KIAA1671: variants seen among roughly 807,000 people sequenced by gnomAD.
KIAA1671 encodes the protein KIAA1671, also known as uncharacterized protein KIAA1671.
Under a neutral mutation model 131.2 loss-of-function variants are expected in KIAA1671, and 52 were observed. That is an observed-to-expected ratio of 0.40 (90% CI 0.32 to 0.50). The LOEUF (loss-of-function observed/expected upper bound fraction) is 0.50. KIAA1671 is among the 20% of genes least tolerant of loss of function. The probability of loss-of-function intolerance (pLI) is 0.73; values close to 1 mark genes in which losing one functional copy is unlikely to be tolerated. For missense variants in KIAA1671, 2,360 were observed against 2,364.2 expected, an observed-to-expected ratio of 1.00 and a Z score of 0.04; for synonymous variants, 1,003 against 961.6, an observed-to-expected ratio of 1.04 and a Z score of -0.80.
Position 25,040,165 on chromosome 22 carries a change from C to G in KIAA1671, c.3035C>G (p.Ser1012Cys), listed in dbSNP as rs1926832994. The G allele has an allele frequency of 5.2e-6, 8 of 1,551,722 alleles. 1 individual carries two copies. In the Admixed American group the frequency reaches 1.6e-4, roughly 30 times the overall value. ...VNPGASRDQT[S>C]PAVKQGSPVE... The stretch of plus-strand genomic sequence containing the variant: ...CCAGGTGCTTCACGGGACCAGACTT[C>G]CCCAGCAGTGAAGCAAGGGTCACCT... The change falls in exon 5 of 13, where the codon TCC becomes TGC. Residue 1012 changes from serine (S) to cysteine (C), a missense_variant. Ser to Cys is a moderately radical substitution (Grantham distance 112). This residue lies in a region of KIAA1671 where 1,161 missense variants were observed against 1,204.7 expected (regional missense o/e 0.96). Coordinates refer to ENST00000358431, the MANE Select transcript of KIAA1671 (RefSeq NM_001145206.2).
At chr22:24,964,051 G>T (rs1922162479) in intron 1 of KIAA1671, among the ~76,000 whole-genome samples, 2 of 152,004 alleles carry the variant, frequency 1.3e-5, no homozygotes, top group African/African-American at 4.8e-5. Context: ...AAATAGGGCT[G>T]GACACGGTGG....
chr22:25,128,084 G>T (rs1932266361), intron 6 of KIAA1671, among the ~76,000 whole-genome samples: 1 of 152,160 alleles, frequency 6.6e-6, no homozygotes, highest in South Asian at 2.1e-4. Flanking sequence ...GAGGGCTAAA[G>T]ATATGAAGAT....
intron 6 of KIAA1671, chr22:25,111,100 G>C (rs748641691): frequency 6.6e-6 from 1 of 152,440 alleles, no homozygotes; most frequent in Non-Finnish European, 1.5e-5. Context: ...CAGAGAAACA[G>C]ACCACGAGAG....
intron 1 of KIAA1671, among the ~76,000 whole-genome samples, chr22:24,982,835 C>T (rs1017586713): frequency 1.1e-4 from 17 of 152,158 alleles, no homozygotes; most frequent in African/African-American, 4.1e-4. Flanking sequence ...CAAGTCCTTG[C>T]AGGATGAGTG....
At chr22:25,118,497 C>A (rs1931786447) in intron 6 of KIAA1671, among the ~76,000 whole-genome samples, 1 of 152,044 alleles carries the variant, frequency 6.6e-6, no homozygotes, top group South Asian at 2.1e-4. Flanking sequence ...TACCTTGTTG[C>A]CCAAGGTAGT....
chr22:25,143,599 C>T (rs973837500), intron 6 of KIAA1671, among the ~76,000 whole-genome samples: 11 of 152,130 alleles, frequency 7.2e-5, no homozygotes, highest in Admixed American at 4.6e-4. Flanking sequence ...TCCAGCTTCT[C>T]ATCTGACAGA....
At chr22:25,086,940 A>G (rs2145872535) in intron 6 of KIAA1671, among the ~76,000 whole-genome samples, 1 of 152,284 alleles carries the variant, frequency 6.6e-6, no homozygotes, top group Admixed American at 6.5e-5. Context: ...TAAAGTTACC[A>G]TGTTCAGCAC....
intron 6 of KIAA1671, among the ~76,000 whole-genome samples, chr22:25,158,620 A>T (rs1933324987): frequency 6.6e-6 from 1 of 152,134 alleles, no homozygotes; most frequent in African/African-American, 2.4e-5. Flanking sequence ...TGGACCAAGG[A>T]GTACTTCCTG....
At chr22:25,069,472 T>C (rs1479746610) in intron 6 of KIAA1671, among the ~76,000 whole-genome samples, 1 of 152,218 alleles carries the variant, frequency 6.6e-6, no homozygotes, top group Non-Finnish European at 1.5e-5. Flanking sequence ...CTCAGGGAGC[T>C]GATCCCTCCC....
In KIAA1671 at chr22:25,165,017, G is replaced by GTGTGTC. The variant is rs1555884281; in HGVS notation, c.4531-5798_4531-5793dup. Reference sequence around the variant, plus strand: ...TGTGTGTGTGTGTGTGTGTGTGTGTGTGTGTCTGTGGTTGATTTTGAGGCC... The same window carrying GTGTGTC: ...TGTGTGTGTGTGTGTGTGTGTGTGTGTGTGTCTGTGTCTGTGGTTGATTTTGAGGCC... On this transcript the variant is annotated intron_variant, in intron 6 of 12. Transcript: ENST00000358431. Among the ~76,000 whole-genome samples the GTGTGTC allele has an allele frequency of 1.4e-4, 21 of 147,048 alleles. No homozygotes were observed. In the East Asian group the frequency reaches 3.8e-3, roughly 26 times the overall value.
chr22:24,969,460 A>C lies in KIAA1671; in HGVS notation c.-208+16688A>C, dbSNP rs74748161. The stretch of plus-strand genomic sequence containing the variant: ...GTTTATGGAATAATGACAAAAAAAA[A>C]CCTCTGTACATGTTCATTACAGACA... On this transcript the variant is annotated intron_variant, in intron 1 of 12. Coordinates refer to ENST00000358431, the MANE Select transcript of KIAA1671 (RefSeq NM_001145206.2). Among the ~76,000 whole-genome samples, 13 of 152,320 alleles carry C rather than the reference A, an allele frequency of 8.5e-5. No individual in the cohort carries two copies. The East Asian group carries it at 9.6e-4, about 11-fold the overall frequency.
chr22:24,968,947 A>G (rs1458377234), intron 1 of KIAA1671, among the ~76,000 whole-genome samples: 1 of 152,052 alleles, frequency 6.6e-6, no homozygotes, highest in Non-Finnish European at 1.5e-5. Flanking sequence ...TCACCCAGGT[A>G]GGAGTGCAGT....
intron 1 of KIAA1671, among the ~76,000 whole-genome samples, chr22:25,005,216 C>T (rs1924680791): frequency 6.6e-6 from 1 of 151,102 alleles, no homozygotes; most frequent in Non-Finnish European, 1.5e-5. Context: ...GGCGTGGTGG[C>T]GCGCACGTGT....
At chr22:25,180,323 G>T (rs181483887) in intron 9 of KIAA1671, among the ~76,000 whole-genome samples, 3 of 152,204 alleles carry the variant, frequency 2.0e-5, no homozygotes, top group Non-Finnish European at 4.4e-5. Context: ...GGTGGATCAC[G>T]AGGTCAGAAG....
At chr22:25,017,837 T>C (rs1415391120) in intron 1 of KIAA1671, among the ~76,000 whole-genome samples, 2 of 152,150 alleles carry the variant, frequency 1.3e-5, no homozygotes, top group Non-Finnish European at 2.9e-5. Context: ...TTTACAAAAG[T>C]GTCTTCGGTG....
At chr22:25,104,174 T>C (rs1430686461) in intron 6 of KIAA1671, among the ~76,000 whole-genome samples, 1 of 152,070 alleles carries the variant, frequency 6.6e-6, no homozygotes, top group Non-Finnish European at 1.5e-5. Context: ...AGATGGGGTT[T>C]TGTCATGTTG....
chr22:25,119,650 C>A (rs180977629), intron 6 of KIAA1671, among the ~76,000 whole-genome samples: 15 of 152,246 alleles, frequency 9.9e-5, no homozygotes, highest in Admixed American at 7.8e-4. Context: ...GGCATGGGGA[C>A]CCATGGGAGT....
At chr22:25,128,488 A>G (rs1446979292) in intron 6 of KIAA1671, among the ~76,000 whole-genome samples, 2 of 152,126 alleles carry the variant, frequency 1.3e-5, no homozygotes. Flanking sequence ...TTTCCTGTTC[A>G]ACAGCAACTT....
intron 3 of KIAA1671, 52 bp from the exon 4 acceptor site, chr22:25,032,557 G>T: frequency 1.7e-6 from 2 of 1,186,214 alleles, no homozygotes; most frequent in Non-Finnish European, 1.2e-6. Flanking sequence ...GTGTGGGCTG[G>T]GGGGAATAAC....
Sources: allele counts gnomAD v4.1 joint callset (sites outside exome capture counted in the v4.1 genomes callset), GRCh38; gene constraint gnomAD v4.1.1; regional missense constraint gnomAD v4.1.1; transcripts MANE v1.5; gene names NCBI Gene and HGNC (gene_info 2026-07-23, HGNC 2026-07-21).